The following EIF2AK3 variants were observed in gnomAD, a reference collection of about 807,000 sequenced individuals.
EIF2AK3 encodes the protein eukaryotic translation initiation factor 2 alpha kinase 3.
EIF2AK3 carries 50 observed loss-of-function variants against 113.5 expected under a neutral mutation model. That is an observed-to-expected ratio of 0.44 (90% CI 0.35 to 0.56). EIF2AK3 has a LOEUF of 0.56. Among genes scored for constraint, EIF2AK3 ranks in the 20% least tolerant of loss-of-function variants. The probability of loss-of-function intolerance (pLI) is 0.00; values close to 1 mark genes in which losing one functional copy is unlikely to be tolerated. For missense variants in EIF2AK3, 1,185 were observed against 1,378.0 expected, an observed-to-expected ratio of 0.86 and a Z score of 2.22; for synonymous variants, 448 against 495.4, an observed-to-expected ratio of 0.90 and a Z score of 1.27.
chr2:88,603,599 C>T (rs1056853612), intron 2 of EIF2AK3, among the ~76,000 whole-genome samples: 6 of 152,188 alleles, frequency 3.9e-5, no homozygotes, highest in Non-Finnish European at 7.3e-5. Flanking sequence ...TGAAGGAAAG[C>T]AGGATAATCC....
intron 2 of EIF2AK3, among the ~76,000 whole-genome samples, chr2:88,612,253 C>G (rs1675474557): frequency 6.6e-6 from 1 of 152,148 alleles, no homozygotes; most frequent in Non-Finnish European, 1.5e-5. Flanking sequence ...CACACACATG[C>G]TTTGAACTAC....
Position 88,583,488 on chromosome 2 carries a change from T to G in EIF2AK3, c.1705A>C (p.Ser569Arg), listed in dbSNP as rs1348772635. ...CQTENKYDSV[S>R]GEANDSSWND... ...CAGCTACTGTCATTGGCTTCACCAC[T>G]TACAGAATCATATTTATTTTCAGTT... Residue 569 changes from serine (S) to arginine (R), a missense_variant, in exon 10 of 17, where the codon AGT becomes CGT. Ser to Arg is a moderately radical substitution (Grantham distance 110, BLOSUM62 -1). This residue lies in a region of EIF2AK3 where 877 missense variants were observed against 1,024.2 expected (regional missense o/e 0.86). Coordinates refer to ENST00000303236, the MANE Select transcript of EIF2AK3 (RefSeq NM_004836.7). 1 of 1,613,200 alleles carries G rather than the reference T, an allele frequency of 6.2e-7. No homozygotes were observed. Among genetic ancestry groups the G allele is most frequent in the Non-Finnish European group, 8.5e-7 (1 of 1,179,706 alleles).
At chr2:88,558,397 A>C (rs1329464659) in intron 16 of EIF2AK3, among the ~76,000 whole-genome samples, 6 of 152,238 alleles carry the variant, frequency 3.9e-5, no homozygotes, top group Non-Finnish European at 7.3e-5. Flanking sequence ...AGAGATCAGC[A>C]ACCAACACCT....
intron 4 of EIF2AK3, 102 bp from the exon 5 acceptor site, chr2:88,591,154 G>T: frequency 9.3e-7 from 1 of 1,072,480 alleles, no homozygotes; most frequent in Non-Finnish European, 1.4e-6. Context: ...AAAATTATGT[G>T]ATGAGAAAAC....
At chr2:88,561,040 G>A (rs569638623) in intron 15 of EIF2AK3, among the ~76,000 whole-genome samples, 2 of 151,920 alleles carry the variant, frequency 1.3e-5, no homozygotes, top group Admixed American at 6.6e-5. Flanking sequence ...TTGCTGTGTC[G>A]CCCAGGCTGG....
chr2:88,598,689 T>G (rs73954007), intron 2 of EIF2AK3, among the ~76,000 whole-genome samples: 1 of 152,222 alleles, frequency 6.6e-6, no homozygotes, highest in African/African-American at 2.4e-5. Context: ...CTAGACTAGA[T>G]GCTGTACTAG....
chr2:88,619,679 C>T (rs1675670892), intron 1 of EIF2AK3, among the ~76,000 whole-genome samples: 1 of 152,156 alleles, frequency 6.6e-6, no homozygotes, highest in African/African-American at 2.4e-5. Flanking sequence ...TCTGGCTGGG[C>T]ACGGTGACTC....
chr2:88,568,216 T>C (rs753201969), intron 14 of EIF2AK3, among the ~76,000 whole-genome samples: 1 of 152,360 alleles, frequency 6.6e-6, no homozygotes, highest in African/African-American at 2.4e-5. Flanking sequence ...CTTTCAAAGA[T>C]AGTCAAATCC....
intron 2 of EIF2AK3, among the ~76,000 whole-genome samples, chr2:88,599,740 T>A (rs1675105730): frequency 6.6e-6 from 1 of 152,114 alleles, no homozygotes; most frequent in Non-Finnish European, 1.5e-5. Flanking sequence ...ACTTATTTCC[T>A]CTTCCATTAA....
rs1553409493 is a variant in EIF2AK3, at chr2:88,587,204, C to CACA, written c.1429+777_1429+778insTGT. ...TGGGTGACAGAGCGAAACTCCATCT[C>CACA]AAAAAAAAAAAAAAAAAAAAAAAAA... On this transcript the variant is annotated intron_variant, in intron 8 of 16. Coordinates refer to ENST00000303236, the MANE Select transcript of EIF2AK3 (RefSeq NM_004836.7). Among the ~76,000 whole-genome samples, 3 of 30,276 alleles carry CACA rather than the reference C, an allele frequency of 9.9e-5. No individual in the cohort carries two copies. In the East Asian group the frequency reaches 3.4e-3, roughly 34 times the overall value. 19.9% of individuals were successfully genotyped at this position (30,276 alleles called of 152,430 possible).
chr2:88,590,999 G>C lies in EIF2AK3; in HGVS notation c.821C>G (p.Thr274Arg). Reference protein sequence around the residue: ...FELRYIPDMETRAGFIESTFK... With the variant: ...FELRYIPDMERRAGFIESTFK... ...GGTGCTTTCAATAAATCCGGCTCTC[G>C]TTTCCATGTCTGGAATATACCGAAG... Residue 274 changes from threonine (T) to arginine (R), a missense_variant, in exon 5 of 17, where the codon ACG becomes AGG. Coordinates refer to ENST00000303236, the MANE Select transcript of EIF2AK3 (RefSeq NM_004836.7). 1 of 1,614,008 alleles carries C rather than the reference G, an allele frequency of 6.2e-7. No individual in the cohort carries two copies. Among genetic ancestry groups the C allele is most frequent in the Non-Finnish European group, 8.5e-7 (1 of 1,179,974 alleles).
chr2:88,589,537 A>C lies in EIF2AK3; in HGVS notation c.1166-636T>G, dbSNP rs192911242. ...ATAAAAAAGAAAGAAATCTAATCTT[A>C]AAGAGGGGAGGGTCACAAACTAATA... On this transcript the variant is annotated intron_variant, in intron 6 of 16. Coordinates refer to ENST00000303236, the MANE Select transcript of EIF2AK3 (RefSeq NM_004836.7). Among the ~76,000 whole-genome samples, 8 of 152,020 alleles carry C rather than the reference A, an allele frequency of 5.3e-5. No homozygotes were observed. In the East Asian group the frequency reaches 1.5e-3, roughly 29 times the overall value.
rs143099743 is a variant in EIF2AK3 at position 88,582,291 on chromosome 2, T to C, written c.1763+1139A>G. On this transcript the variant is annotated intron_variant, in intron 10 of 16. Coordinates refer to ENST00000303236, the MANE Select transcript of EIF2AK3 (RefSeq NM_004836.7). ...CAGTGGAGGTGTAAGAAAGAGTAGGTCTGAAATACATGAGATCCCTTAGGG... is the reference window on the plus strand; with the variant it reads ...CAGTGGAGGTGTAAGAAAGAGTAGGCCTGAAATACATGAGATCCCTTAGGG... 8.3e-3 allele frequency among the ~76,000 whole-genome samples: 1,267 copies of C among 152,300 alleles called. 11 individuals carry two copies. The highest frequency in any genetic ancestry group is 0.014 in the Middle Eastern group (4 of 292).
intron 2 of EIF2AK3, among the ~76,000 whole-genome samples, chr2:88,612,515 T>G (rs1474763342): frequency 1.3e-5 from 2 of 152,250 alleles, no homozygotes; most frequent in Non-Finnish European, 2.9e-5. Flanking sequence ...AAGTTCTCTA[T>G]TCTCAAAATA....
At chr2:88,572,073 A>G (rs1401514139) in intron 13 of EIF2AK3, among the ~76,000 whole-genome samples, 1 of 152,258 alleles carries the variant, frequency 6.6e-6, no homozygotes, top group Non-Finnish European at 1.5e-5. Context: ...CCAGAAAATA[A>G]CATTGCATTC....
At chr2:88,617,630 G>A (rs538376212) in intron 1 of EIF2AK3, among the ~76,000 whole-genome samples, 1 of 151,982 alleles carries the variant, frequency 6.6e-6, no homozygotes, top group African/African-American at 2.4e-5. Flanking sequence ...GGTGGTGCAT[G>A]CCTGTAGTCC....
chr2:88,576,600 C>T lies in EIF2AK3; in HGVS notation c.1990G>A (p.Glu664Lys). The T allele has an allele frequency of 6.2e-7, 1 of 1,614,160 alleles. No homozygotes were observed. Among genetic ancestry groups the T allele is most frequent in the Non-Finnish European group, 8.5e-7 (1 of 1,180,018 alleles). Residue 664 changes from glutamate (E) to lysine (K), a missense_variant, in exon 12 of 17, where the codon GAG (glutamate) becomes AAG (lysine). This residue lies in a region of EIF2AK3 where 877 missense variants were observed against 1,024.2 expected (regional missense o/e 0.86). Coordinates refer to ENST00000303236, the MANE Select transcript of EIF2AK3 (RefSeq NM_004836.7). The stretch of plus-strand genomic sequence containing the variant: ...TCATCCATCTTTTCTTGCCACTTCT[C>T]TGGTGGTGCTTCGAGCCAGGCATTG... The part of the protein sequence containing the change: ...YFNAWLEAPP[E>K]KWQEKMDEIW...
At position 88,587,899 on chromosome 2, in the gene EIF2AK3, A is replaced by T. The variant is rs1674778621; in HGVS notation, c.1429+83T>A. ...TCTCCCAAGATGTTTTATTGTCTATACTCTAATCGACTTTTCTTCATTTGA... is the reference window on the plus strand; with the variant it reads ...TCTCCCAAGATGTTTTATTGTCTATTCTCTAATCGACTTTTCTTCATTTGA... On this transcript the variant is annotated intron_variant, in intron 8 of 16. Transcript: ENST00000303236. 6 of 939,902 alleles carry T rather than the reference A, an allele frequency of 6.4e-6. No homozygotes were observed. The South Asian group carries it at 1.0e-4, about 16-fold the overall frequency. The allele number at this position is 939,902 out of a possible 1,614,324, so 58.2% of individuals were successfully genotyped here. A position where few individuals can be genotyped will look rare whatever the true frequency, so the allele number is the denominator to read the frequency against.
chr2:88,581,658 AT>A (rs1674604418), intron 10 of EIF2AK3, among the ~76,000 whole-genome samples: 1 of 152,220 alleles, frequency 6.6e-6, no homozygotes. Context: ...AGACTACCTC[AT>A]GGGAGTTGTT....
Sources: allele counts gnomAD v4.1 joint callset (sites outside exome capture counted in the v4.1 genomes callset), GRCh38; gene constraint gnomAD v4.1.1; regional missense constraint gnomAD v4.1.1; transcripts MANE v1.5; gene names NCBI Gene and HGNC (gene_info 2026-07-23, HGNC 2026-07-21).